ZNF366: variants seen among roughly 807,000 people sequenced by gnomAD.
ZNF366 encodes dendritic cell-specific transcript protein.
In ZNF366, 20 loss-of-function variants were observed where a neutral mutation model predicts 47.2. The observed-to-expected ratio is 0.42, with a 90% CI of 0.30 to 0.62. ZNF366 has a LOEUF of 0.62. ZNF366 is among the 20% of genes least tolerant of loss of function. ZNF366 has a pLI of 0.16. For synonymous variants in ZNF366, 421 were observed against 395.1 expected, an observed-to-expected ratio of 1.07 and a Z score of -0.78; for missense variants, 987 against 976.3, an observed-to-expected ratio of 1.01 and a Z score of -0.15.
chr5:72,474,580 TA>T (rs1191672033), intron 1 of ZNF366, among the ~76,000 whole-genome samples: 2 of 152,146 alleles, frequency 1.3e-5, no homozygotes, highest in Admixed American at 6.6e-5. Context: ...TTTTCTATGT[TA>T]ATTTTTTTAA....
rs530037278 is a variant in ZNF366 at position 72,446,562 on chromosome 5, G to A, written c.1699+681C>T. On this transcript the variant is annotated intron_variant, in intron 4 of 4. Transcript: ENST00000318442. ...CTCTGGGACTGAGAAGGTAAAGGCA[G>A]TGAGAACTTTTCATTAGTTCAGTGA... 4.6e-5 allele frequency among the ~76,000 whole-genome samples: 7 copies of A among 152,342 alleles called. No homozygotes were observed. In the South Asian group the frequency reaches 1.4e-3, roughly 32 times the overall value.
At chr5:72,462,620 A>AAGATTGT (rs1743347303) in intron 1 of ZNF366, among the ~76,000 whole-genome samples, 2 of 141,780 alleles carry the variant, frequency 1.4e-5, no homozygotes, top group African/African-American at 5.3e-5. Flanking sequence ...GCACAATCTT[A>AAGATTGT]GCTTACTGCA....
intron 1 of ZNF366, among the ~76,000 whole-genome samples, chr5:72,501,778 T>G (rs1580256935): frequency 6.6e-6 from 1 of 152,340 alleles, no homozygotes; most frequent in Admixed American, 6.5e-5. Flanking sequence ...AAAAACAATT[T>G]GCAAACCCAT....
In ZNF366 at chr5:72,444,001, T is replaced by C. The variant is rs1365135027; in HGVS notation, c.1990A>G (p.Lys664Glu). Residue 664 changes from lysine to glutamate, a missense_variant, in exon 5 of 5, where the codon AAG becomes GAG. By Grantham distance (56) the Lys-to-Glu change is moderately conservative. Around this residue, in one of 3 missense-constraint regions of ZNF366, gnomAD observed 285 missense variants for 234.8 expected, o/e 1.21. Coordinates refer to ENST00000318442, the MANE Select transcript of ZNF366 (RefSeq NM_152625.3). ...HAPEVLEEAC[K>E]EEKEDASKGE... Reference sequence around the variant, plus strand: ...TTGGATGCATCCTCCTTCTCCTCCTTGCAGGCTTCCTCCAGCACCTCGGGG... The same window carrying C: ...TTGGATGCATCCTCCTTCTCCTCCTCGCAGGCTTCCTCCAGCACCTCGGGG... 2.5e-6 allele frequency: 4 copies of C among 1,614,026 alleles called. No individual in the cohort carries two copies. The South Asian group carries it at 3.3e-5, about 13-fold the overall frequency.
intron 3 of ZNF366, among the ~76,000 whole-genome samples, chr5:72,451,578 G>A (rs896488398): frequency 1.3e-5 from 2 of 152,176 alleles, no homozygotes; most frequent in African/African-American, 4.8e-5. Flanking sequence ...ATAAATATTA[G>A]CTCTTTTTAC....
intron 2 of ZNF366, among the ~76,000 whole-genome samples, chr5:72,456,862 C>T (rs1157349026): frequency 6.6e-6 from 1 of 152,104 alleles, no homozygotes; most frequent in Non-Finnish European, 1.5e-5. Flanking sequence ...GTTCCAGCTG[C>T]TGCTGGGGTT....
chr5:72,492,856 G>A (rs1399624912), intron 1 of ZNF366, among the ~76,000 whole-genome samples: 1 of 152,152 alleles, frequency 6.6e-6, no homozygotes, highest in African/African-American at 2.4e-5. Flanking sequence ...GGTTTTTAAT[G>A]AGGAATAAAG....
rs1231664602 is a variant in ZNF366, at chr5:72,460,925, G to A, written c.572C>T (p.Pro191Leu). Residue 191 changes from proline (P) to leucine (L), a missense_variant, in exon 2 of 5, where the codon CCC becomes CTC. Physicochemically the swap from Pro to Leu is moderately conservative, Grantham distance 98. Transcript: ENST00000318442. Reference protein sequence around the residue: ...HPGLMFPFFVPSSSPFPFSRH... With the variant: ...HPGLMFPFFVLSSSPFPFSRH... ...GCTGAAGGGGAAGGGCGAGGACGAG[G>A]GCACGAAGAAGGGGAACATGAGGCC... The A allele has an allele frequency of 1.9e-6, 3 of 1,611,842 alleles. No individual in the cohort carries two copies. The highest frequency in any genetic ancestry group is 2.7e-5 in the African/African-American group (2 of 74,856).
At chr5:72,492,482 C>CA (rs1291926929) in intron 1 of ZNF366, among the ~76,000 whole-genome samples, 1 of 152,078 alleles carries the variant, frequency 6.6e-6, no homozygotes, top group Non-Finnish European at 1.5e-5. Flanking sequence ...AACAAACAAA[C>CA]AACAACAACA....
Position 72,440,602 on chromosome 5 carries a change from C to T in ZNF366, c.*3154G>A, listed in dbSNP as rs1742838031. On this transcript the variant is annotated 3_prime_UTR_variant, in exon 5 of 5. Coordinates refer to ENST00000318442, the MANE Select transcript of ZNF366 (RefSeq NM_152625.3). ...CTCCTTCAAGGCTTGCCTTCTGGTT[C>T]ATCAGCTCATTAGGCAAGGCTGGCC... 1 of 152,214 alleles carries T rather than the reference C, an allele frequency of 6.6e-6. No individual in the cohort carries two copies. Among genetic ancestry groups the T allele is most frequent in the South Asian group, 2.1e-4 (1 of 4,820 alleles). 9.4% of individuals were successfully genotyped at this position (152,214 alleles called of 1,614,324 possible).
At chr5:72,448,566 A>G (rs1743003757) in intron 3 of ZNF366, among the ~76,000 whole-genome samples, 1 of 152,094 alleles carries the variant, frequency 6.6e-6, no homozygotes, top group Non-Finnish European at 1.5e-5. Context: ...AGGGAGGAGA[A>G]TTCTCCTTCC....
At chr5:72,484,147 T>C (rs1743840942) in intron 1 of ZNF366, among the ~76,000 whole-genome samples, 1 of 152,190 alleles carries the variant, frequency 6.6e-6, no homozygotes, top group Non-Finnish European at 1.5e-5. Flanking sequence ...GGGTAATTTT[T>C]CTTAAAACTT....
rs766723380 is a variant in ZNF366 at position 72,443,896 on chromosome 5, A to G, written c.2095T>C (p.Cys699Arg). 5 of 1,614,104 alleles carry G rather than the reference A, an allele frequency of 3.1e-6. No individual in the cohort carries two copies. Among genetic ancestry groups the G allele is most frequent in the South Asian group, 1.1e-5 (1 of 91,084 alleles). ...QERDCAGRDE[C>R]LSLRAFQSTR... ...CTCTGAAAAGCCCTGAGACTGAGAC[A>G]CTCATCTCTGCCGGCACAGTCTCTC... Residue 699 changes from cysteine to arginine, a missense_variant, in exon 5 of 5, where the codon TGT becomes CGT. Around this residue, in one of 3 missense-constraint regions of ZNF366, gnomAD observed 285 missense variants for 234.8 expected, o/e 1.21. Transcript: ENST00000318442.
At chr5:72,457,930 A>G (rs911670003) in intron 2 of ZNF366, among the ~76,000 whole-genome samples, 2 of 152,012 alleles carry the variant, frequency 1.3e-5, no homozygotes, top group African/African-American at 2.4e-5. Flanking sequence ...AATGTAGTGC[A>G]TATTCAAACA....
chr5:72,444,113 G>T lies in ZNF366; in HGVS notation c.1878C>A (p.Tyr626Ter). ...GGCCAGGGCTGTAGGGCTCCACCTC[G>T]TAGCAGTTATCCTCCTCTTCCTCCT... is the stretch of plus-strand genomic sequence containing the variant. Reference protein sequence around the residue: ...CHEEEEEDNCYEVEPYSPGLA... With the variant: ...CHEEEEEDNC The change falls in exon 5 of 5, where the codon TAC (tyrosine) becomes TAA (stop). Residue 626 changes from tyrosine to a stop codon, truncating the protein, a stop_gained. Transcript: ENST00000318442. LOFTEE classifies it low-confidence loss of function (END_TRUNC). 6.2e-7 allele frequency: 1 copy of T among 1,614,018 alleles called. No individual in the cohort carries two copies. The highest frequency in any genetic ancestry group is 1.3e-5 in the African/African-American group (1 of 75,054).
chr5:72,466,465 G>A (rs1012466340), intron 1 of ZNF366, among the ~76,000 whole-genome samples: 10 of 152,216 alleles, frequency 6.6e-5, no homozygotes, highest in African/African-American at 1.7e-4. Context: ...AGGAGGACCT[G>A]TTTGTCAAAC....
chr5:72,452,032 A>G (rs1743082977), intron 3 of ZNF366, among the ~76,000 whole-genome samples: 1 of 152,226 alleles, frequency 6.6e-6, no homozygotes, highest in African/African-American at 2.4e-5. Flanking sequence ...GTGGGCAGCC[A>G]CTGGGCTGGG....
intron 1 of ZNF366, among the ~76,000 whole-genome samples, chr5:72,488,739 C>T (rs545874763): frequency 3.9e-5 from 6 of 152,210 alleles, no homozygotes; most frequent in African/African-American, 7.2e-5. Flanking sequence ...GCCCAGCAAC[C>T]GCATTTGGAG....
At chr5:72,451,186 T>G (rs531418192) in intron 3 of ZNF366, among the ~76,000 whole-genome samples, 1 of 152,358 alleles carries the variant, frequency 6.6e-6, no homozygotes, top group Non-Finnish European at 1.5e-5. Context: ...TGGTGAGGAC[T>G]CTGATCTCAT....
Sources: gnomAD v4.1 joint callset for allele counts (sites outside exome capture counted in the v4.1 genomes callset) on GRCh38, gnomAD v4.1.1 for gene constraint, gnomAD v4.1.1 regional missense constraint, MANE v1.5 for transcripts, NCBI Gene and HGNC (gene_info 2026-07-23, HGNC 2026-07-21) for gene names.